Variants in ITGB8 observed in about 807,000 individuals in gnomAD.
The protein encoded by ITGB8 is integrin beta-8.
ITGB8 carries 30 observed loss-of-function variants against 89.5 expected under a neutral mutation model. The observed-to-expected ratio is 0.34, with a 90% CI of 0.25 to 0.45. The LOEUF (loss-of-function observed/expected upper bound fraction) is 0.45, where lower values mean the gene tolerates loss of function less well. ITGB8 is among the 20% of genes least tolerant of loss of function. The probability of loss-of-function intolerance (pLI) is 1.00; values close to 1 mark genes in which losing one functional copy is unlikely to be tolerated. For missense variants in ITGB8, 836 were observed against 933.3 expected (o/e 0.90, Z 1.36); for synonymous variants, 335 against 320.4 (o/e 1.05, Z -0.49).
chr7:20,378,119 A>G (rs897276025), intron 3 of ITGB8, among the ~76,000 whole-genome samples: 10 of 152,240 alleles, frequency 6.6e-5, no homozygotes, highest in Admixed American at 5.2e-4. Flanking sequence ...TTCACCATAT[A>G]CTTGAAATTA....
In ITGB8 at chr7:20,397,583, G is replaced by A. The variant is rs377295818; in HGVS notation, c.1147-1277G>A. On this transcript the variant is annotated intron_variant, in intron 8 of 13. Coordinates refer to ENST00000222573, the MANE Select transcript of ITGB8 (RefSeq NM_002214.3). ...AGGGTAAACTGAGGATGCTCATTGC[G>A]TTAGGCATTTCCTTCTGATCTGCTG... Among the ~76,000 whole-genome samples, 14 of 152,290 alleles carry A rather than the reference G, an allele frequency of 9.2e-5. No homozygotes were observed. In the East Asian group the frequency reaches 9.6e-4, roughly 10 times the overall value.
At chr7:20,366,763 C>T (rs892586702) in intron 2 of ITGB8, 1 of 373,198 alleles carries the variant, frequency 2.7e-6, no homozygotes, top group East Asian at 6.5e-5. Context: ...GACTCTGTCT[C>T]CGACACAGAA....
rs762052934 is a variant in ITGB8, at chr7:20,409,663, T to C, written c.2072T>C (p.Ile691Thr). 42 of 1,611,106 alleles carry C rather than the reference T, an allele frequency of 2.6e-5. No individual in the cohort carries two copies. The Admixed American group carries it at 4.0e-4, about 15-fold the overall frequency. The change falls in exon 13 of 14, where the codon ATA (isoleucine) becomes ACA (threonine). Residue 691 changes from isoleucine (I) to threonine (T), a missense_variant. Transcript: ENST00000222573. ...TTGAGAATATTTTTCATCATTTTCA[T>C]AGTTACATTCTTGATTGGGTTGCTT... is the stretch of plus-strand genomic sequence containing the variant. ...SYLRIFFIIF[I>T]VTFLIGLLKV...
intron 1 of ITGB8, among the ~76,000 whole-genome samples, chr7:20,339,808 A>G (rs1396530224): frequency 6.6e-6 from 1 of 152,132 alleles, no homozygotes; most frequent in African/African-American, 2.4e-5. Flanking sequence ...TGGGTGGATC[A>G]CCTGAAGTCA....
At chr7:20,332,698 C>G (rs1408598879) in intron 1 of ITGB8, among the ~76,000 whole-genome samples, 2 of 152,178 alleles carry the variant, frequency 1.3e-5, no homozygotes, top group African/African-American at 4.8e-5. Flanking sequence ...TACCTGCCTT[C>G]TCTAAATCAC....
At chr7:20,338,799 T>A (rs1413507527) in intron 1 of ITGB8, among the ~76,000 whole-genome samples, 1 of 152,202 alleles carries the variant, frequency 6.6e-6, no homozygotes, top group Non-Finnish European at 1.5e-5. Flanking sequence ...TGTGTACAGA[T>A]TATACAAAAT....
At position 20,411,570 on chromosome 7, in the gene ITGB8, T is replaced by C. The variant is rs1052811341; in HGVS notation, c.*1573T>C. ...TTGGAAAGGAGTTTTTATCTTCTCA[T>C]TGTCAGGCCAGTGTTCATTGCACAA... On this transcript the variant is annotated 3_prime_UTR_variant, in exon 14 of 14. Coordinates refer to ENST00000222573, the MANE Select transcript of ITGB8 (RefSeq NM_002214.3). The C allele has an allele frequency of 6.6e-6, 1 of 152,646 alleles. No individual in the cohort carries two copies. The highest frequency in any genetic ancestry group is 2.4e-5 in the African/African-American group (1 of 41,456). The allele number at this position is 152,646 out of a possible 1,614,324, so 9.5% of individuals were successfully genotyped here.
At chr7:20,345,678 G>A (rs2128129302) in intron 1 of ITGB8, among the ~76,000 whole-genome samples, 1 of 152,272 alleles carries the variant, frequency 6.6e-6, no homozygotes, top group East Asian at 1.9e-4. Flanking sequence ...CAGATTGTTG[G>A]TATCTGGAGC....
intron 1 of ITGB8, among the ~76,000 whole-genome samples, chr7:20,332,270 T>G (rs1248829521): frequency 6.6e-6 from 1 of 152,250 alleles, no homozygotes; most frequent in Non-Finnish European, 1.5e-5. Context: ...AAGGGCATCG[T>G]CTGTACACAA....
chr7:20,359,678 T>A (rs925473085), intron 1 of ITGB8, among the ~76,000 whole-genome samples: 7 of 150,932 alleles, frequency 4.6e-5, no homozygotes, highest in South Asian at 4.2e-4. Flanking sequence ...GGAGAGAGAG[T>A]GTGTGTGTGT....
chr7:20,409,515 T>G, intron 12 of ITGB8, 100 bp from the exon 13 acceptor site: 1 of 727,618 alleles, frequency 1.4e-6, no homozygotes, highest in South Asian at 2.3e-5. Flanking sequence ...TGCAAATATC[T>G]TTGGCACTAT....
rs920503431 is a variant in ITGB8, at chr7:20,411,701, A to G, written c.*1704A>G. 6.6e-6 allele frequency: 1 copy of G among 152,650 alleles called. No individual in the cohort carries two copies. Among genetic ancestry groups the G allele is most frequent in the Non-Finnish European group, 1.5e-5 (1 of 68,046 alleles). The allele number at this position is 152,650 out of a possible 1,614,324, so 9.5% of individuals were successfully genotyped here. A position where few individuals can be genotyped will look rare whatever the true frequency, so the allele number is the denominator to read the frequency against. On this transcript the variant is annotated 3_prime_UTR_variant, in exon 14 of 14. Coordinates refer to ENST00000222573, the MANE Select transcript of ITGB8 (RefSeq NM_002214.3). ...GAGGAAAGTTCAAAGCAAAATAGAA[A>G]GGAATAATTCAAACTGAATTGTCCA... is the stretch of plus-strand genomic sequence containing the variant.
intron 12 of ITGB8, among the ~76,000 whole-genome samples, chr7:20,407,901 T>C (rs1787608912): frequency 6.6e-6 from 1 of 152,200 alleles, no homozygotes; most frequent in African/African-American, 2.4e-5. Context: ...GCTCTGAAAA[T>C]GCCCTCTGTT....
At chr7:20,374,395 A>G (rs1050781682) in intron 3 of ITGB8, among the ~76,000 whole-genome samples, 2 of 152,138 alleles carry the variant, frequency 1.3e-5, no homozygotes, top group Non-Finnish European at 2.9e-5. Flanking sequence ...TAGTAGTAGT[A>G]AGTAATAATT....
intron 7 of ITGB8, among the ~76,000 whole-genome samples, chr7:20,394,450 A>G (rs1279958596): frequency 6.6e-6 from 1 of 152,232 alleles, no homozygotes; most frequent in Non-Finnish European, 1.5e-5. Context: ...ATAATGTTAA[A>G]TCATTTCTAG....
In ITGB8 at chr7:20,409,962, T is replaced by G; in HGVS notation, c.2275T>G (p.Leu759Val). 6.2e-7 allele frequency: 1 copy of G among 1,613,108 alleles called. No individual in the cohort carries two copies. Among genetic ancestry groups the G allele is most frequent in the Non-Finnish European group, 8.5e-7 (1 of 1,179,650 alleles). The change falls in exon 14 of 14, where the codon TTA becomes GTA. Residue 759 changes from leucine (L) to valine (V), a missense_variant. Coordinates refer to ENST00000222573, the MANE Select transcript of ITGB8 (RefSeq NM_002214.3). Reference sequence around the variant, plus strand: ...AGAAATAAAAATGGATATCAGCAAATTAAATGCTCATGAAACTTTCAGGTG... The same window carrying G: ...AGAAATAAAAATGGATATCAGCAAAGTAAATGCTCATGAAACTTTCAGGTG... The part of the protein sequence containing the change: ...PEEIKMDISK[L>V]NAHETFRCNF
chr7:20,363,364 A>AC (rs1261947585), intron 1 of ITGB8, among the ~76,000 whole-genome samples: 2 of 152,038 alleles, frequency 1.3e-5, no homozygotes, highest in African/African-American at 4.8e-5. Context: ...TTGAAGCCAG[A>AC]CCCCCAAACC....
chr7:20,400,499 A>G (rs1409869573), intron 9 of ITGB8, among the ~76,000 whole-genome samples: 1 of 152,236 alleles, frequency 6.6e-6, no homozygotes, highest in African/African-American at 2.4e-5. Flanking sequence ...GATACTTTAT[A>G]TTATTATATC....
intron 1 of ITGB8, among the ~76,000 whole-genome samples, chr7:20,356,399 TGTATATCTA>T (rs1785295474): frequency 6.6e-6 from 1 of 152,212 alleles, no homozygotes; most frequent in African/African-American, 2.4e-5. Flanking sequence ...GACTATGATA[TGTATATCTA>T]GAAGGAGGAA....
Sources: gnomAD v4.1 joint callset for allele counts (sites outside exome capture counted in the v4.1 genomes callset) on GRCh38, gnomAD v4.1.1 for gene constraint, MANE v1.5 for transcripts, NCBI Gene and HGNC (gene_info 2026-07-23, HGNC 2026-07-21) for gene names.